Variants in PIEZO2 observed in about 807,000 individuals in gnomAD.
PIEZO2 encodes piezo-type mechanosensitive ion channel component 2.
PIEZO2 carries 172 observed loss-of-function variants against 337.3 expected under a neutral mutation model. The observed-to-expected ratio is 0.51, with a 90% CI of 0.45 to 0.58. The LOEUF is 0.58. Ranked by LOEUF, PIEZO2 falls within the 20% of genes least tolerant of loss-of-function variation. PIEZO2 has a pLI of 0.00. For missense variants in PIEZO2, 3,028 were observed against 3,391.3 expected (o/e 0.89, Z 2.66); for synonymous variants, 1,251 against 1,228.5 (o/e 1.02, Z -0.38).
chr18:11,119,833 C>T (rs2039984875), intron 1 of PIEZO2, among the ~76,000 whole-genome samples: 1 of 152,160 alleles, frequency 6.6e-6, no homozygotes, highest in Non-Finnish European at 1.5e-5. Flanking sequence ...AACTATTAGT[C>T]TCAGAGTTTC....
In PIEZO2 at chr18:10,676,651, A is replaced by G. The variant is rs1466248647; in HGVS notation, c.8081+1096T>C. ...CCTGGCTTTTGGTGATTATGGTCAG[A>G]TAAGAGCAAGGTTTGTCATCTAGAG... On this transcript the variant is annotated intron_variant, in intron 53 of 55. Coordinates refer to ENST00000674853, the MANE Select transcript of PIEZO2 (RefSeq NM_001378183.1). The surrounding 1 kb of genome is among the most constrained non-coding windows in gnomAD (Gnocchi z 5.1). Among the ~76,000 whole-genome samples, 1 of 152,204 alleles carries G rather than the reference A, an allele frequency of 6.6e-6. No homozygotes were observed. The highest frequency in any genetic ancestry group is 1.5e-5 in the Non-Finnish European group (1 of 68,030).
intron 11 of PIEZO2, among the ~76,000 whole-genome samples, chr18:10,798,489 A>G (rs937646717): frequency 2.6e-5 from 4 of 152,242 alleles, no homozygotes; most frequent in South Asian, 2.1e-4. Context: ...AGTTTATACA[A>G]AAAGTCCCTG....
chr18:10,699,853 G>A (rs2035260199), intron 43 of PIEZO2, among the ~76,000 whole-genome samples: 1 of 152,150 alleles, frequency 6.6e-6, no homozygotes, highest in Non-Finnish European at 1.5e-5. Flanking sequence ...TCTCCCCTGA[G>A]CTCTTTGGCC....
chr18:11,078,889 A>G lies in PIEZO2; in HGVS notation c.65-12667T>C, dbSNP rs994321158. ...GAGAGGGGTGAAAAAGAATCCTTGC[A>G]GGGACCAGTCTAAAGAGATGTTTCC... On this transcript the variant is annotated intron_variant, in intron 1 of 55. Transcript: ENST00000674853. This position sits in a 1 kb window ranked among gnomAD's most constrained non-coding sequence, Gnocchi z 5.3. 6.6e-6 allele frequency among the ~76,000 whole-genome samples: 1 copy of G among 152,222 alleles called. No homozygotes were observed. Among genetic ancestry groups the G allele is most frequent in the Non-Finnish European group, 1.5e-5 (1 of 68,036 alleles).
intron 3 of PIEZO2, among the ~76,000 whole-genome samples, chr18:10,948,724 T>C (rs895853773): frequency 1.3e-5 from 2 of 152,238 alleles, no homozygotes; most frequent in African/African-American, 4.8e-5. Context: ...AACTGCCATA[T>C]AATTTCATAA....
intron 11 of PIEZO2, among the ~76,000 whole-genome samples, chr18:10,799,307 G>A (rs1250123801): frequency 6.6e-6 from 1 of 152,200 alleles, no homozygotes; most frequent in Non-Finnish European, 1.5e-5. Flanking sequence ...TTGTAATTCT[G>A]TCTTTATGGA....
intron 13 of PIEZO2, among the ~76,000 whole-genome samples, chr18:10,793,272 G>A (rs1428689423): frequency 4.1e-5 from 6 of 146,448 alleles, no homozygotes; most frequent in Non-Finnish European, 8.9e-5. Context: ...AAAAAAAAAT[G>A]TGCTTTACAA....
intron 4 of PIEZO2, among the ~76,000 whole-genome samples, chr18:10,885,461 G>C (rs985020702): frequency 6.6e-6 from 1 of 152,024 alleles, no homozygotes; most frequent in Admixed American, 6.6e-5. Flanking sequence ...ATAAAACACT[G>C]TATTTGTCAA....
At chr18:10,743,941 A>G (rs956684286) in intron 31 of PIEZO2, among the ~76,000 whole-genome samples, 67 of 152,200 alleles carry the variant, frequency 4.4e-4, no homozygotes, top group African/African-American at 1.4e-3. Flanking sequence ...TGCTGGAGCG[A>G]TCTTTCTGTT....
intron 2 of PIEZO2, among the ~76,000 whole-genome samples, chr18:10,987,877 G>C (rs1322776836): frequency 1.3e-5 from 2 of 151,998 alleles, no homozygotes; most frequent in Non-Finnish European, 2.9e-5. Flanking sequence ...AAAAGGCAAA[G>C]GACCTGAATA....
intron 7 of PIEZO2, among the ~76,000 whole-genome samples, chr18:10,825,727 T>A (rs760411935): frequency 2.8e-4 from 42 of 151,548 alleles, no homozygotes; most frequent in Admixed American, 1.6e-3. Context: ...ATTTTTGTAT[T>A]TTTAGTAGAG....
Position 10,781,809 on chromosome 18 carries a change from C to CA in PIEZO2, c.2493-1444dup, listed in dbSNP as rs1253727784. Among the ~76,000 whole-genome samples the CA allele has an allele frequency of 1.3e-5, 2 of 152,056 alleles. No individual in the cohort carries two copies. Among genetic ancestry groups the CA allele is most frequent in the Non-Finnish European group, 2.9e-5 (2 of 68,016 alleles). On this transcript the variant is annotated intron_variant, in intron 17 of 55. Coordinates refer to ENST00000674853, the MANE Select transcript of PIEZO2 (RefSeq NM_001378183.1). The surrounding 1 kb of genome is among the most constrained non-coding windows in gnomAD (Gnocchi z 4.1). ...CAGGAAAATAAGAGTTGCATATCTCCAGAGACAACAGTGTGGAAATCAGCT... is the reference window on the plus strand; with the variant it reads ...CAGGAAAATAAGAGTTGCATATCTCCAAGAGACAACAGTGTGGAAATCAGCT...
At chr18:10,900,222 T>G (rs1351820022) in intron 4 of PIEZO2, among the ~76,000 whole-genome samples, 5 of 150,528 alleles carry the variant, frequency 3.3e-5, no homozygotes, top group Non-Finnish European at 7.4e-5. Context: ...AACACCTAAA[T>G]CCACACATAC....
chr18:10,773,437 T>C lies in PIEZO2; in HGVS notation c.2760A>G (p.Glu920=). 6.5e-7 allele frequency: 1 copy of C among 1,537,370 alleles called. No homozygotes were observed. Among genetic ancestry groups the C allele is most frequent in the Non-Finnish European group, 8.7e-7 (1 of 1,146,950 alleles). Residue 920 remains glutamate (E), a synonymous_variant, in exon 20 of 56, where the codon GAA becomes GAG. Transcript: ENST00000674853. This position sits in a 1 kb window ranked among gnomAD's most constrained non-coding sequence, Gnocchi z 5.3. ...ESEEDGEEEE[E]SEEEEETSDL... is the part of the protein sequence containing the mutation. ...CTGATGTTTCTTCCTCCTCCTCGGA[T>C]TCCTCCTCTTCCTCTCCGTCCTCCT...
rs34080209 is a variant in PIEZO2 at position 10,797,684 on chromosome 18, G to A, written c.1379-162C>T. On this transcript the variant is annotated intron_variant, in intron 11 of 55. Coordinates refer to ENST00000674853, the MANE Select transcript of PIEZO2 (RefSeq NM_001378183.1). ...AGCCCTTAAAATTCAAACAGAATCAGTAAGTTCTGCATGGTCAGTGTAATG... is the reference window on the plus strand; with the variant it reads ...AGCCCTTAAAATTCAAACAGAATCAATAAGTTCTGCATGGTCAGTGTAATG... Among the ~76,000 whole-genome samples the A allele has an allele frequency of 0.28, 42,548 of 152,088 alleles. 6,966 individuals carry two copies. Among genetic ancestry groups the A allele is most frequent in the Middle Eastern group, 0.41 (120 of 294 alleles).
chr18:10,991,155 T>C (rs1342325466), intron 2 of PIEZO2, among the ~76,000 whole-genome samples: 1 of 140,550 alleles, frequency 7.1e-6, no homozygotes. Flanking sequence ...GAAGGTTTTA[T>C]ACACACACAC....
chr18:11,088,391 A>G (rs777871330), intron 1 of PIEZO2, among the ~76,000 whole-genome samples: 14 of 152,214 alleles, frequency 9.2e-5, no homozygotes, highest in Non-Finnish European at 4.4e-5. Flanking sequence ...CTTCCTATTC[A>G]TTGGATTTCT....
chr18:10,913,435 G>C (rs1295065561), intron 3 of PIEZO2, among the ~76,000 whole-genome samples: 1 of 152,124 alleles, frequency 6.6e-6, no homozygotes, highest in Non-Finnish European at 1.5e-5. Flanking sequence ...ATGCTGCTCG[G>C]CTTGACTTCT....
chr18:10,726,189 T>C lies in PIEZO2; in HGVS notation c.5029+5218A>G, dbSNP rs1216206840. Among the ~76,000 whole-genome samples the C allele has an allele frequency of 1.3e-5, 2 of 152,040 alleles. No homozygotes were observed. The highest frequency in any genetic ancestry group is 1.9e-4 in the East Asian group (1 of 5,168). On this transcript the variant is annotated intron_variant, in intron 36 of 55. Transcript: ENST00000674853. This position sits in a 1 kb window ranked among gnomAD's most constrained non-coding sequence, Gnocchi z 5.9. ...CATATATGTGAGCAACTGTGGATCC[T>C]TGGGTGCGAGTCCACCGGAGGAGGG...
Sources: allele counts gnomAD v4.1 joint callset (sites outside exome capture counted in the v4.1 genomes callset), GRCh38; gene constraint gnomAD v4.1.1; non-coding constraint Gnocchi (gnomAD v3.1); transcripts MANE v1.5; gene names NCBI Gene and HGNC (gene_info 2026-07-23, HGNC 2026-07-21).